The following WDR7 variants were observed in gnomAD, a reference collection of about 807,000 sequenced individuals.
WDR7 encodes WD repeat domain 7.
A neutral mutation model predicts 169.4 loss-of-function variants in WDR7; 46 were observed. That is an observed-to-expected ratio of 0.27 (90% CI 0.21 to 0.35). WDR7 has a LOEUF of 0.35. WDR7 is among the 10% of genes least tolerant of loss of function. The pLI is 1.00. For missense variants in WDR7, 1,534 were observed against 1,859.3 expected, an observed-to-expected ratio of 0.83 and a Z score of 3.22; for synonymous variants, 612 against 666.8, an observed-to-expected ratio of 0.92 and a Z score of 1.27.
At chr18:56,701,511 T>C (rs1438929183) in intron 12 of WDR7, among the ~76,000 whole-genome samples, 1 of 152,182 alleles carries the variant, frequency 6.6e-6, no homozygotes, top group Non-Finnish European at 1.5e-5. Context: ...TTTAAATGAG[T>C]GGTTTTCTCA....
At chr18:56,889,680 G>A (rs2046239795) in intron 21 of WDR7, among the ~76,000 whole-genome samples, 1 of 152,164 alleles carries the variant, frequency 6.6e-6, no homozygotes, top group African/African-American at 2.4e-5. Context: ...CTCTAAAGCA[G>A]CATATTTTCA....
intron 5 of WDR7, 28 bp from the exon 6 acceptor site, chr18:56,685,928 G>C (rs777008753): frequency 6.4e-7 from 1 of 1,573,526 alleles, no homozygotes; most frequent in Admixed American, 1.9e-5. Flanking sequence ...CGTAACCTGG[G>C]CTGCTTTTTT....
At chr18:56,782,584 A>C (rs1599039319) in intron 19 of WDR7, among the ~76,000 whole-genome samples, 1 of 152,058 alleles carries the variant, frequency 6.6e-6, no homozygotes, top group African/African-American at 2.4e-5. Flanking sequence ...TTTAAAAAAA[A>C]CTTTTTATTA....
chr18:56,861,025 T>C (rs1275755218), intron 20 of WDR7, among the ~76,000 whole-genome samples: 1 of 152,186 alleles, frequency 6.6e-6, no homozygotes, highest in Non-Finnish European at 1.5e-5. Context: ...TGCTTTCTAT[T>C]TCACAAATGT....
intron 20 of WDR7, among the ~76,000 whole-genome samples, chr18:56,869,976 G>C (rs1188110595): frequency 1.3e-5 from 2 of 152,040 alleles, no homozygotes; most frequent in African/African-American, 2.4e-5. Flanking sequence ...CTCCACATGA[G>C]CCTATGAAAC....
chr18:56,966,084 G>A (rs528148872), intron 26 of WDR7, among the ~76,000 whole-genome samples: 39 of 152,190 alleles, frequency 2.6e-4, no homozygotes, highest in African/African-American at 8.7e-4. Context: ...GGCAGACATG[G>A]TGGTGGGCAT....
At chr18:56,866,382 A>G (rs574010468) in intron 20 of WDR7, among the ~76,000 whole-genome samples, 3 of 151,970 alleles carry the variant, frequency 2.0e-5, no homozygotes, top group Non-Finnish European at 4.4e-5. Flanking sequence ...TGTAGTAGGC[A>G]TATAATTATG....
intron 19 of WDR7, among the ~76,000 whole-genome samples, chr18:56,789,920 T>C (rs2044458778): frequency 6.6e-6 from 1 of 152,198 alleles, no homozygotes; most frequent in East Asian, 1.9e-4. Context: ...ACACATTCAT[T>C]TTAAAAAATG....
intron 26 of WDR7, among the ~76,000 whole-genome samples, chr18:57,012,984 A>G (rs1262496123): frequency 1.3e-5 from 2 of 152,234 alleles, no homozygotes; most frequent in African/African-American, 2.4e-5. Context: ...ACATGCTACA[A>G]AAGTTTGCCT....
At chr18:56,861,781 T>C (rs1568235827) in intron 20 of WDR7, among the ~76,000 whole-genome samples, 1 of 152,186 alleles carries the variant, frequency 6.6e-6, no homozygotes, top group Non-Finnish European at 1.5e-5. Context: ...AGTATCATAA[T>C]ATTGATCTCT....
intron 26 of WDR7, among the ~76,000 whole-genome samples, chr18:56,974,338 C>T (rs2047534229): frequency 1.3e-5 from 2 of 148,648 alleles, no homozygotes; most frequent in African/African-American, 2.5e-5. Context: ...TTTCCTTTTC[C>T]TTTTCCTTTC....
At chr18:56,909,197 T>C (rs926567332) in intron 21 of WDR7, among the ~76,000 whole-genome samples, 1 of 151,320 alleles carries the variant, frequency 6.6e-6, no homozygotes, top group Non-Finnish European at 1.5e-5. Context: ...CAGGTCTTAC[T>C]TAATAGCTCT....
chr18:56,977,569 G>A (rs2047585916), intron 26 of WDR7, among the ~76,000 whole-genome samples: 1 of 152,208 alleles, frequency 6.6e-6, no homozygotes. Flanking sequence ...GACAAAGTAG[G>A]TGCTTAGAAA....
intron 26 of WDR7, among the ~76,000 whole-genome samples, chr18:57,014,332 C>CAAAA (rs35192329): frequency 1.5e-5 from 2 of 133,274 alleles, no homozygotes; most frequent in Non-Finnish European, 1.6e-5. Context: ...GACTCCATCT[C>CAAAA]AAAAAAAAAA....
chr18:56,925,183 T>G (rs1019418929), intron 22 of WDR7, among the ~76,000 whole-genome samples: 1 of 152,244 alleles, frequency 6.6e-6, no homozygotes, highest in African/African-American at 2.4e-5. Flanking sequence ...TACCTGTTGA[T>G]GGACATTTGG....
intron 12 of WDR7, among the ~76,000 whole-genome samples, chr18:56,712,863 T>C (rs369897490): frequency 1.2e-4 from 19 of 152,202 alleles, no homozygotes; most frequent in East Asian, 9.6e-4. Context: ...ACTTACTTAT[T>C]TTTTAATCTT....
At chr18:56,950,120 A>G (rs531696736) in intron 25 of WDR7, among the ~76,000 whole-genome samples, 4 of 152,340 alleles carry the variant, frequency 2.6e-5, no homozygotes, top group African/African-American at 9.6e-5. Context: ...TTGCAAGTCA[A>G]TCTGACGAGT....
At chr18:56,894,155 G>A (rs2046300709) in intron 21 of WDR7, among the ~76,000 whole-genome samples, 1 of 151,814 alleles carries the variant, frequency 6.6e-6, no homozygotes, top group South Asian at 2.1e-4. Flanking sequence ...TTTCCTGTTA[G>A]CATCAGGGTT....
rs150479574 is a variant in WDR7, at chr18:56,880,164, T to C, written c.3525T>C (p.Thr1175=). 2.1e-5 allele frequency: 34 copies of C among 1,612,676 alleles called. No homozygotes were observed. In the African/African-American group the frequency reaches 4.3e-4, roughly 20 times the overall value. ...GGSNYSLARH[T]CKALTFLLLQ... ...CCAACTACTCGCTGGCCAGACATAC[T>C]TGTAAGTTTTAAAACTTCTAATGCT... The change falls in exon 21 of 28, where the codon ACT becomes ACC. Residue 1175 remains threonine, a splice_region_variant and synonymous_variant. Coordinates refer to ENST00000254442, the MANE Select transcript of WDR7 (RefSeq NM_015285.3).
Sources: gnomAD v4.1 joint callset for allele counts (sites outside exome capture counted in the v4.1 genomes callset) on GRCh38, gnomAD v4.1.1 for gene constraint, MANE v1.5 for transcripts, NCBI Gene and HGNC (gene_info 2026-07-23, HGNC 2026-07-21) for gene names.